PLXNB3: variants seen among roughly 807,000 people sequenced by gnomAD.
The protein encoded by PLXNB3 is plexin-B3.
A neutral mutation model predicts 125.7 loss-of-function variants in PLXNB3; 80 were observed. That is an observed-to-expected ratio of 0.64 (90% confidence interval 0.53 to 0.77). The LOEUF is 0.77. Among genes scored for constraint, PLXNB3 ranks in the 30% least tolerant of loss-of-function variants. The pLI is 0.00. For missense variants in PLXNB3, 1,836 were observed against 1,729.3 expected, an observed-to-expected ratio of 1.06 and a Z score of -1.09; for synonymous variants, 954 against 783.3, an observed-to-expected ratio of 1.22 and a Z score of -3.64.
chrX:153,778,219 C>T lies in PLXNB3; in HGVS notation c.5410-42C>T, dbSNP rs781905687. The T allele has an allele frequency of 2.2e-5, 26 of 1,196,979 alleles. No individual in the cohort carries two copies. In the Admixed American group the frequency reaches 5.0e-4, roughly 23 times the overall value. On this transcript the variant is annotated intron_variant, in intron 32 of 35. Coordinates refer to ENST00000361971, the MANE Select transcript of PLXNB3 (RefSeq NM_005393.3). ...TGGCAGCATCATGGGGGCACCTTCA[C>T]CTCCGAGCTCATGCCTAGCGCCTCC...
chrX:153,771,991 CCT>C lies in PLXNB3; in HGVS notation c.2652_2653del (p.Tyr885ProfsTer26). ...GCCAGCCGGCCCTGCAACCCTGAGC[CCT>C]CTCTCTACCGCACGTCGGCCCGGTG... is the stretch of plus-strand genomic sequence containing the variant. On this transcript the variant is annotated frameshift_variant, in exon 15 of 36. Coordinates refer to ENST00000361971, the MANE Select transcript of PLXNB3 (RefSeq NM_005393.3). LOFTEE classifies it high-confidence loss of function. 8.3e-7 allele frequency: 1 copy of C among 1,201,897 alleles called. No homozygotes were observed. The highest frequency in any genetic ancestry group is 1.1e-6 in the Non-Finnish European group (1 of 890,335).
rs782461403 is a variant in PLXNB3 at position 153,770,541 on chromosome X, G to A, written c.1909G>A (p.Val637Met). Residue 637 changes from valine to methionine, a missense_variant, in exon 10 of 36, where the codon GTG becomes ATG. Physicochemically the swap from Val to Met is conservative, Grantham distance 21. Coordinates refer to ENST00000361971, the MANE Select transcript of PLXNB3 (RefSeq NM_005393.3). ...CTGCCCCTCTAGGTGTCGCGCTTGC[G>A]TGGGCAGCATCTGGCGGTGTCACTG... ...LEAAAPCRAC[V>M]GSIWRCHWCP... The A allele has an allele frequency of 9.1e-6, 11 of 1,210,273 alleles. No individual in the cohort carries two copies. Among genetic ancestry groups the A allele is most frequent in the Non-Finnish European group, 1.2e-5 (11 of 895,175 alleles).
rs1343910080 is a variant in PLXNB3 at position 153,776,362 on chromosome X, G to A, written c.4736G>A (p.Arg1579His). ...CTTCCCTGACTCCCTCCAGAGTGGC[G>A]CTCAGGCCTGGCTGGTCACCTGACC... ...PSVHALDLEW[R>H]SGLAGHLTLS... Residue 1579 changes from arginine (R) to histidine (H), a missense_variant, in exon 28 of 36, where the codon CGC (arginine) becomes CAC (histidine). Transcript: ENST00000361971. 8.4e-7 allele frequency: 1 copy of A among 1,189,153 alleles called. No individual in the cohort carries two copies. Among genetic ancestry groups the A allele is most frequent in the Non-Finnish European group, 1.1e-6 (1 of 880,326 alleles).
intron 15 of PLXNB3, 51 bp from the exon 16 acceptor site, chrX:153,772,131 T>TCGGTAGCA (rs1557062206): frequency 9.2e-7 from 1 of 1,091,331 alleles, no homozygotes; most frequent in Non-Finnish European, 1.2e-6. Flanking sequence ...AGGGGTGGGC[T>TCGGTAGCA]GTCCCCTCCG....
intron 35 of PLXNB3, 119 bp from the exon 36 acceptor site, chrX:153,778,816 G>T: frequency 9.0e-7 from 1 of 1,112,191 alleles, no homozygotes; most frequent in Admixed American, 3.2e-5. Flanking sequence ...TCCCCAGGGA[G>T]ACGCCAGGCA....
At position 153,777,530 on chromosome X, in the gene PLXNB3, C is replaced by T; in HGVS notation, c.5103C>T (p.Gly1701=). 8.3e-7 allele frequency: 1 copy of T among 1,211,250 alleles called. No individual in the cohort carries two copies. The highest frequency in any genetic ancestry group is 1.1e-6 in the Non-Finnish European group (1 of 895,151). ...IYLTRLLSMK[G]TLQKFVDDTF... ...AGCCCTTATCCCCTGCCTCGCAGGG[C>T]ACGCTGCAGAAGTTTGTGGACGACA... The change falls in exon 31 of 36, where the codon GGC becomes GGT. Residue 1701 remains glycine (G), a splice_region_variant and synonymous_variant. Transcript: ENST00000361971.
At position 153,767,056 on chromosome X, in the gene PLXNB3, C is replaced by A. The variant is rs782212030; in HGVS notation, c.229C>A (p.Leu77Ile). 6 of 1,209,843 alleles carry A rather than the reference C, an allele frequency of 5.0e-6. No individual in the cohort carries two copies. The highest frequency in any genetic ancestry group is 6.7e-6 in the Non-Finnish European group (6 of 895,287). The change falls in exon 3 of 36, where the codon CTC becomes ATC. Residue 77 changes from leucine (L) to isoleucine (I), a missense_variant. Physicochemically the swap from Leu to Ile is conservative, Grantham distance 5. Transcript: ENST00000361971. ...CGGCGCAGTGAACCGCCTCTTCCAG[C>A]TCAGCCCCGAGCTGCAGCTCGAGGC... ...YVGAVNRLFQ[L>I]SPELQLEAVA...
intron 6 of PLXNB3, among the ~76,000 whole-genome samples, chrX:153,769,505 ACCCCACACAGCTGTCCTCCAGCCGGTG>A (rs1394173917): frequency 4.5e-5 from 5 of 111,504 alleles, no homozygotes; most frequent in African/African-American, 1.6e-4. Context: ...AGGGTCCAGA[ACCCCACACAGCTGTCCTCCAGCCGGTG>A]CTCCACACGG....
Position 153,775,958 on chromosome X carries a change from C to T in PLXNB3, c.4473C>T (p.Asp1491=), listed in dbSNP as rs2087100281. 2.5e-6 allele frequency: 3 copies of T among 1,210,091 alleles called. No individual in the cohort carries two copies. The highest frequency in any genetic ancestry group is 3.4e-6 in the Non-Finnish European group (3 of 895,208). The part of the protein sequence containing the change: ...IQYQVDKGPV[D]AVTGKAKRTL... ...ACCAGGTGGACAAAGGCCCCGTGGACGCCGTGACAGGCAAGGCCAAACGGA... is the reference window on the plus strand; with the variant it reads ...ACCAGGTGGACAAAGGCCCCGTGGATGCCGTGACAGGCAAGGCCAAACGGA... Residue 1491 remains aspartate, a synonymous_variant, in exon 27 of 36, where the codon GAC becomes GAT. Coordinates refer to ENST00000361971, the MANE Select transcript of PLXNB3 (RefSeq NM_005393.3).
rs1557062766 is a variant in PLXNB3 at position 153,773,544 on chromosome X, G to A, written c.3110G>A (p.Gly1037Asp). 2.5e-6 allele frequency: 3 copies of A among 1,201,629 alleles called. No individual in the cohort carries two copies. Among genetic ancestry groups the A allele is most frequent in the Non-Finnish European group, 3.4e-6 (3 of 890,258 alleles). ...RGGGRLIRVRGTGLDVVQRPL... is the reference protein window; with the variant it reads ...RGGGRLIRVRDTGLDVVQRPL... ...GGTGGGCGACTGATCCGTGTCAGGG[G>A]CACCGGCCTAGACGTGGTGCAGCGG... is the stretch of plus-strand genomic sequence containing the variant. The change falls in exon 19 of 36, where the codon GGC (glycine) becomes GAC (aspartate). Residue 1037 changes from glycine to aspartate, a missense_variant. Physicochemically the swap from Gly to Asp is moderately conservative, Grantham distance 94. Coordinates refer to ENST00000361971, the MANE Select transcript of PLXNB3 (RefSeq NM_005393.3).
chrX:153,767,290 G>A lies in PLXNB3; in HGVS notation c.463G>A (p.Ala155Thr). The change falls in exon 3 of 36, where the codon GCT becomes ACT. Residue 155 changes from alanine to threonine, a missense_variant. By Grantham distance (58) the Ala-to-Thr change is moderately conservative. Transcript: ENST00000361971. ...LGDVAEVLYQ[A>T]EDPGDGQFVA... Reference sequence around the variant, plus strand: ...GGATGTGGCCGAGGTGCTGTACCAGGCTGAGGACCCTGGTGACGGGCAGTT... The same window carrying A: ...GGATGTGGCCGAGGTGCTGTACCAGACTGAGGACCCTGGTGACGGGCAGTT... The A allele has an allele frequency of 8.3e-7, 1 of 1,206,502 alleles. No homozygotes were observed. The highest frequency in any genetic ancestry group is 1.7e-5 in the African/African-American group (1 of 57,957).
intron 26 of PLXNB3, 69 bp from the exon 27 acceptor site, chrX:153,775,818 G>A (rs184090078): frequency 1.1e-3 from 1,271 of 1,125,711 alleles, no homozygotes; most frequent in Non-Finnish European, 1.4e-3. Context: ...TGGAGACGAG[G>A]CAGAGGCGAG....
chrX:153,766,508 T>C, intron 2 of PLXNB3: 1 of 972,046 alleles, frequency 1.0e-6, no homozygotes, highest in Non-Finnish European at 1.3e-6. Flanking sequence ...GCCCCCTCTG[T>C]GACTCACAGT....
intron 17 of PLXNB3, 69 bp from the exon 18 acceptor site, chrX:153,773,161 G>C: frequency 9.0e-7 from 1 of 1,111,166 alleles, no homozygotes; most frequent in East Asian, 3.1e-5. Flanking sequence ...TCTCCTACGG[G>C]GGTTGGGCCA....
rs376856198 is a variant in PLXNB3, at chrX:153,779,065, G to A, written c.*26G>A. ...GCTCTGGCTCAGACAGCAGCAAGCC[G>A]GATCCACCAACACCGCAGCGCCTTA... is the stretch of plus-strand genomic sequence containing the variant. On this transcript the variant is annotated 3_prime_UTR_variant, in exon 36 of 36. Coordinates refer to ENST00000361971, the MANE Select transcript of PLXNB3 (RefSeq NM_005393.3). 2.2e-5 allele frequency: 23 copies of A among 1,066,192 alleles called. No homozygotes were observed. The highest frequency in any genetic ancestry group is 2.2e-5 in the South Asian group (1 of 45,861). 87.9% of individuals were successfully genotyped at this position (1,066,192 alleles called of 1,213,427 possible).
rs1557062850 is a variant in PLXNB3 at position 153,773,681 on chromosome X, G to A, written c.3247G>A (p.Ala1083Thr). The change falls in exon 19 of 36, where the codon GCT (alanine) becomes ACT (threonine). Residue 1083 changes from alanine to threonine, a missense_variant. Transcript: ENST00000361971. ...SCGAPAADPQ[A>T]CIQLGGGLLQ... ...TGGAGCCCCTGCTGCGGACCCCCAG[G>A]CTTGTATCCAGCTCGGTGGGGGGCT... The A allele has an allele frequency of 1.7e-6, 2 of 1,170,514 alleles. No homozygotes were observed. Among genetic ancestry groups the A allele is most frequent in the African/African-American group, 1.8e-5 (1 of 56,948 alleles).
At chrX:153,764,558 A>G (rs1365257612) in intron 1 of PLXNB3, among the ~76,000 whole-genome samples, 1 of 112,896 alleles carries the variant, frequency 8.9e-6, no homozygotes, top group African/African-American at 3.2e-5. Context: ...GGCAGGGTAC[A>G]GGGTAGAGAG....
intron 7 of PLXNB3, 37 bp downstream of exon 7, chrX:153,769,976 A>G (rs1557061007): frequency 8.4e-7 from 1 of 1,195,776 alleles, no homozygotes; most frequent in Admixed American, 2.2e-5. Context: ...TCTGGGCAGC[A>G]TGACCACTGC....
At chrX:153,771,212 G>A in intron 12 of PLXNB3, 98 bp from the exon 13 acceptor site, 1 of 934,671 alleles carries the variant, frequency 1.1e-6, no homozygotes. Context: ...GGGAGAGGCA[G>A]GGAACAATCA....
Sources: allele counts gnomAD v4.1 joint callset (sites outside exome capture counted in the v4.1 genomes callset), GRCh38; gene constraint gnomAD v4.1.1; transcripts MANE v1.5; gene names NCBI Gene and HGNC (gene_info 2026-07-23, HGNC 2026-07-21).